STK3: variants seen among roughly 807,000 people sequenced by gnomAD.
The protein encoded by STK3 is serine/threonine-protein kinase 3.
STK3 carries 41 observed loss-of-function variants against 58.0 expected under a neutral mutation model. That is an observed-to-expected ratio of 0.71 (90% CI 0.55 to 0.92). The LOEUF (loss-of-function observed/expected upper bound fraction) is 0.92. STK3 is among the 40% of genes least tolerant of loss of function. The probability of loss-of-function intolerance (pLI) is 0.00; values close to 1 mark genes in which losing one functional copy is unlikely to be tolerated. For missense variants in STK3, 479 were observed against 602.7 expected, an observed-to-expected ratio of 0.79 and a Z score of 2.15; for synonymous variants, 170 against 191.0, an observed-to-expected ratio of 0.89 and a Z score of 0.91.
chr8:98,822,743 C>T (rs989357427), intron 1 of STK3, among the ~76,000 whole-genome samples: 11 of 152,068 alleles, frequency 7.2e-5, no homozygotes, highest in African/African-American at 1.9e-4. Context: ...TAAAGAACAA[C>T]GGGGGCCAGG....
At chr8:98,747,742 T>C (rs1378965455) in intron 4 of STK3, among the ~76,000 whole-genome samples, 3 of 152,216 alleles carry the variant, frequency 2.0e-5, no homozygotes, top group Admixed American at 6.5e-5. Context: ...CTACAGCTCC[T>C]GATCAATCTC....
intron 10 of STK3, among the ~76,000 whole-genome samples, chr8:98,457,311 A>G (rs1819570785): frequency 6.6e-6 from 1 of 152,228 alleles, no homozygotes; most frequent in African/African-American, 2.4e-5. Flanking sequence ...GATACAGAAT[A>G]AGACAAACAG....
intron 2 of STK3, among the ~76,000 whole-genome samples, chr8:98,768,089 A>G (rs1024315194): frequency 1.3e-5 from 2 of 152,230 alleles, no homozygotes. Flanking sequence ...AGCCATTTGT[A>G]CCTTAGTATG....
At chr8:98,843,924 G>T (rs189567008) in intron 3 of STK3, among the ~76,000 whole-genome samples, 1 of 152,350 alleles carries the variant, frequency 6.6e-6, no homozygotes, top group East Asian at 1.9e-4. Context: ...GCTTTGGGAG[G>T]CCGAGTGGGA....
intron 3 of STK3, among the ~76,000 whole-genome samples, chr8:98,756,445 C>T (rs921457687): frequency 6.6e-6 from 1 of 152,064 alleles, no homozygotes; most frequent in Non-Finnish European, 1.5e-5. Flanking sequence ...AGGCAGAAGC[C>T]TGACCATGAA....
intron 6 of STK3, among the ~76,000 whole-genome samples, chr8:98,701,930 C>G (rs1563908680): frequency 6.6e-6 from 1 of 152,172 alleles, no homozygotes; most frequent in Admixed American, 6.6e-5. Context: ...TGCCACTACT[C>G]ACTAATTTTA....
chr8:98,492,955 G>C (rs554851706), intron 10 of STK3, among the ~76,000 whole-genome samples: 40 of 152,118 alleles, frequency 2.6e-4, no homozygotes, highest in African/African-American at 9.6e-4. Context: ...AGTATGCCAG[G>C]CATGGTGGCT....
chr8:98,548,787 T>C (rs1016577719), intron 8 of STK3, among the ~76,000 whole-genome samples: 2 of 152,120 alleles, frequency 1.3e-5, no homozygotes, highest in Non-Finnish European at 2.9e-5. Context: ...GGCAAATTCA[T>C]GAGTACTACT....
intron 3 of STK3, among the ~76,000 whole-genome samples, chr8:98,876,677 CTA>C (rs1309715510): frequency 1.3e-5 from 2 of 152,186 alleles, no homozygotes; most frequent in Non-Finnish European, 2.9e-5. Flanking sequence ...TAGATGACTT[CTA>C]GGACTGGAAC....
chr8:98,939,522 T>C (rs1436813629), intron 1 of STK3, among the ~76,000 whole-genome samples: 2 of 152,334 alleles, frequency 1.3e-5, no homozygotes, highest in South Asian at 2.1e-4. Context: ...AAACGAAATC[T>C]GCAGTGAGAA....
intron 1 of STK3, among the ~76,000 whole-genome samples, chr8:98,775,391 A>C (rs1431565861): frequency 6.6e-6 from 1 of 152,098 alleles, no homozygotes; most frequent in Non-Finnish European, 1.5e-5. Flanking sequence ...CCATGCATGC[A>C]CAGATTCTCC....
intron 10 of STK3, among the ~76,000 whole-genome samples, chr8:98,513,269 T>C (rs1452764038): frequency 6.6e-6 from 1 of 152,028 alleles, no homozygotes; most frequent in Non-Finnish European, 1.5e-5. Flanking sequence ...GCCCCACCAC[T>C]CCCAAATCAT....
intron 3 of STK3, among the ~76,000 whole-genome samples, chr8:98,870,920 G>A (rs1488062431): frequency 6.6e-6 from 1 of 152,172 alleles, no homozygotes; most frequent in Non-Finnish European, 1.5e-5. Context: ...CCTTGCCCAT[G>A]CCTATGGCCT....
chr8:98,841,681 CAAAA>C (rs10605812), intron 3 of STK3, among the ~76,000 whole-genome samples: 1 of 86,688 alleles, frequency 1.2e-5, no homozygotes, highest in Non-Finnish European at 2.2e-5. Flanking sequence ...GACCTGGTCT[CAAAA>C]AAAAAAAAAA....
chr8:98,429,511 C>A (rs563810314), intron 3 of STK3: 9 of 849,472 alleles, frequency 1.1e-5, no homozygotes, highest in Non-Finnish European at 1.5e-5. Flanking sequence ...AAGGAGTATG[C>A]CCAGCCCCTG....
chr8:98,417,944 C>T (rs1023113871), intron 3 of STK3, among the ~76,000 whole-genome samples: 47 of 152,126 alleles, frequency 3.1e-4, no homozygotes, highest in Non-Finnish European at 6.3e-4. Context: ...GGGTCTCACT[C>T]TGTTGCCCAG....
At chr8:98,670,172 C>T (rs751072486) in intron 6 of STK3, among the ~76,000 whole-genome samples, 1 of 152,080 alleles carries the variant, frequency 6.6e-6, no homozygotes, top group Non-Finnish European at 1.5e-5. Flanking sequence ...AGTTCGAGAC[C>T]AGCCTGGGCA....
At chr8:98,441,706 T>G (rs920043995) in intron 1 of STK3, among the ~76,000 whole-genome samples, 2 of 152,234 alleles carry the variant, frequency 1.3e-5, no homozygotes, top group Non-Finnish European at 2.9e-5. Context: ...AATCTCCACC[T>G]TGAAGTGTCT....
the STK3 span, among the ~76,000 whole-genome samples, chr8:98,357,545 T>G: frequency 1.3e-5 from 2 of 152,312 alleles, no homozygotes; most frequent in South Asian, 4.1e-4. Flanking sequence ...TGGCACTGGA[T>G]GTGGCTGAGG....
Sources: gnomAD v4.1 joint callset for allele counts (sites outside exome capture counted in the v4.1 genomes callset) on GRCh38, gnomAD v4.1.1 for gene constraint, MANE v1.5 for transcripts, NCBI Gene and HGNC (gene_info 2026-07-23, HGNC 2026-07-21) for gene names.